Variants in MARCHF7 observed in about 807,000 individuals in gnomAD.
The protein encoded by MARCHF7 is E3 ubiquitin-protein ligase MARCHF7.
Under a neutral mutation model 76.5 loss-of-function variants are expected in MARCHF7, and 20 were observed. That is an observed-to-expected ratio of 0.26 (90% confidence interval 0.18 to 0.38). The LOEUF (loss-of-function observed/expected upper bound fraction) is 0.38, where lower values mean the gene tolerates loss of function less well. Ranked by LOEUF, MARCHF7 falls within the 10% of genes least tolerant of loss-of-function variation. The pLI, the probability that MARCHF7 is intolerant of heterozygous loss-of-function variation, is 1.00. For missense variants in MARCHF7, 797 were observed against 812.9 expected (o/e 0.98, Z 0.24); for synonymous variants, 295 against 293.0 (o/e 1.01, Z -0.07).
intron 3 of MARCHF7, among the ~76,000 whole-genome samples, chr2:159,718,761 A>C (rs914353031): frequency 1.3e-5 from 2 of 152,092 alleles, no homozygotes; most frequent in Non-Finnish European, 2.9e-5. Context: ...AACTGCCTGA[A>C]GTTTTTCAAT....
chr2:159,745,700 T>G (rs970947101), intron 5 of MARCHF7, 70 bp from the exon 6 acceptor site: 3 of 1,011,590 alleles, frequency 3.0e-6, no homozygotes, highest in Non-Finnish European at 4.4e-6. Context: ...TCCTCTCTAT[T>G]ACTGAAGATT....
At chr2:159,732,341 T>C (rs1267194796) in intron 4 of MARCHF7, among the ~76,000 whole-genome samples, 2 of 152,190 alleles carry the variant, frequency 1.3e-5, no homozygotes, top group African/African-American at 2.4e-5. Context: ...TTATAAATTT[T>C]AGGTATTTTC....
intron 1 of MARCHF7, among the ~76,000 whole-genome samples, chr2:159,714,232 A>G (rs1700749558): frequency 6.6e-6 from 1 of 152,196 alleles, no homozygotes; most frequent in Non-Finnish European, 1.5e-5. Flanking sequence ...ATAATGCAAA[A>G]TCTGTCAAAT....
chr2:159,734,572 T>C (rs2125457540), intron 4 of MARCHF7, among the ~76,000 whole-genome samples: 1 of 152,278 alleles, frequency 6.6e-6, no homozygotes, highest in Middle Eastern at 3.4e-3. Context: ...GTAACATTGA[T>C]AGGCATTGCA....
In MARCHF7 at chr2:159,768,870, C is replaced by G. The variant is rs993991003; in HGVS notation, c.*1528C>G. On this transcript the variant is annotated 3_prime_UTR_variant, in exon 12 of 12. Coordinates refer to ENST00000409175, the MANE Select transcript of MARCHF7 (RefSeq NM_001282805.2). ...GTTGTCTTCTGCTTAACCCATAAAA[C>G]TTTATTTAAAAAATTTAACTAGATG... The G allele has an allele frequency of 6.6e-6, 1 of 152,052 alleles. No individual in the cohort carries two copies. The highest frequency in any genetic ancestry group is 1.5e-5 in the Non-Finnish European group (1 of 67,990). 9.4% of individuals were successfully genotyped at this position (152,052 alleles called of 1,614,324 possible). A position where few individuals can be genotyped will look rare whatever the true frequency, so the allele number is the denominator to read the frequency against.
In MARCHF7 at chr2:159,748,967, TTTTTTC is replaced by T; in HGVS notation, c.1613+69_1613+74del. 4 of 1,301,060 alleles carry T rather than the reference TTTTTTC, an allele frequency of 3.1e-6. No homozygotes were observed. The South Asian group carries it at 6.9e-5, about 23-fold the overall frequency. 80.6% of individuals were successfully genotyped at this position (1,301,060 alleles called of 1,614,324 possible). A position where few individuals can be genotyped will look rare whatever the true frequency, so the allele number is the denominator to read the frequency against. On this transcript the variant is annotated intron_variant, in intron 7 of 11. Transcript: ENST00000409175. ...ATAGAGAAAGAACTCTTCATTTCTT[TTTTTTC>T]TTTTCTTTTTTTTTTTTTTTTTTGA...
chr2:159,718,067 C>T (rs1701237550), intron 3 of MARCHF7, among the ~76,000 whole-genome samples: 1 of 152,216 alleles, frequency 6.6e-6, no homozygotes, highest in African/African-American at 2.4e-5. Context: ...ATTTGCTGAA[C>T]ACATGCTGTG....
chr2:159,747,964 A>G lies in MARCHF7; in HGVS notation c.674A>G (p.Asn225Ser). ...SRDSRNSLRS[N>S]FSSRESESSR... is the part of the protein sequence containing the mutation. ...GACTCCAGAAATTCTTTAAGATCAA[A>G]TTTTTCTTCAAGAGAATCAGAATCT... is the stretch of plus-strand genomic sequence containing the variant. Residue 225 changes from asparagine to serine, a missense_variant, in exon 7 of 12, where the codon AAT (asparagine) becomes AGT (serine). Around this residue, in one of 3 missense-constraint regions of MARCHF7, gnomAD observed 643 missense variants for 631.5 expected, o/e 1.02. Coordinates refer to ENST00000409175, the MANE Select transcript of MARCHF7 (RefSeq NM_001282805.2). The G allele has an allele frequency of 6.2e-7, 1 of 1,614,028 alleles. No individual in the cohort carries two copies.
At chr2:159,724,867 T>G (rs966708002) in intron 3 of MARCHF7, among the ~76,000 whole-genome samples, 44 of 152,152 alleles carry the variant, frequency 2.9e-4, no homozygotes, top group Non-Finnish European at 2.9e-5. Context: ...GTGTGTGATG[T>G]TCCCTGCCCT....
chr2:159,754,337 C>G (rs1560022488), intron 8 of MARCHF7, among the ~76,000 whole-genome samples: 1 of 151,616 alleles, frequency 6.6e-6, no homozygotes, highest in Non-Finnish European at 1.5e-5. Flanking sequence ...TGTGATCAAC[C>G]CTGCACTTCT....
chr2:159,747,919 A>T lies in MARCHF7; in HGVS notation c.629A>T (p.Gln210Leu). 1 of 1,614,178 alleles carries T rather than the reference A, an allele frequency of 6.2e-7. No homozygotes were observed. The highest frequency in any genetic ancestry group is 8.5e-7 in the Non-Finnish European group (1 of 1,180,026). Reference sequence around the variant, plus strand: ...AACCACCAATTGCCTTCTGAACATCAGACCATACTAAGTTCTAGGGACTCC... The same window carrying T: ...AACCACCAATTGCCTTCTGAACATCTGACCATACTAAGTTCTAGGGACTCC... ...STNHQLPSEH[Q>L]TILSSRDSRN... The change falls in exon 7 of 12, where the codon CAG (glutamine) becomes CTG (leucine). Residue 210 changes from glutamine to leucine, a missense_variant. Gln to Leu is a moderately radical substitution (Grantham distance 113). Transcript: ENST00000409175.
At chr2:159,716,892 A>G (rs1226228422) in intron 3 of MARCHF7, among the ~76,000 whole-genome samples, 2 of 152,220 alleles carry the variant, frequency 1.3e-5, no homozygotes, top group East Asian at 3.8e-4. Flanking sequence ...TGGCTGCATA[A>G]CAAACCACCT....
chr2:159,749,741 G>C (rs991119910), intron 7 of MARCHF7, among the ~76,000 whole-genome samples: 1 of 130,800 alleles, frequency 7.6e-6, no homozygotes, highest in Non-Finnish European at 1.7e-5. Context: ...TTGGGGCGGG[G>C]GGGGCGGTTG....
At chr2:159,723,672 A>G (rs968431516) in intron 3 of MARCHF7, among the ~76,000 whole-genome samples, 1 of 152,240 alleles carries the variant, frequency 6.6e-6, no homozygotes, top group African/African-American at 2.4e-5. Flanking sequence ...CACAATATGT[A>G]GCAAATTGAT....
intron 4 of MARCHF7, among the ~76,000 whole-genome samples, chr2:159,731,977 G>A (rs1052651875): frequency 4.9e-4 from 75 of 151,782 alleles, no homozygotes; most frequent in African/African-American, 1.7e-3. Context: ...GGTGGCGGGC[G>A]CCTGTAGTCC....
intron 2 of MARCHF7, among the ~76,000 whole-genome samples, 153 bp from the exon 3 acceptor site, chr2:159,715,528 T>A (rs1700939111): frequency 6.6e-6 from 1 of 152,100 alleles, no homozygotes; most frequent in African/African-American, 2.4e-5. Flanking sequence ...TATATTTTTT[T>A]ATAGAGACAG....
rs780022565 is a variant in MARCHF7 at position 159,727,964 on chromosome 2, A to G, written c.-14-1045A>G. Among the ~76,000 whole-genome samples the G allele has an allele frequency of 6.6e-5, 10 of 152,304 alleles. 1 individual carries two copies. The Middle Eastern group carries it at 0.024, about 363-fold the overall frequency. The stretch of plus-strand genomic sequence containing the variant: ...AAAGCACTCAGTTCCACAAAATAAC[A>G]TTTTGTTTTTTTCTTAGAAGTTTTA... On this transcript the variant is annotated intron_variant, in intron 3 of 11. Coordinates refer to ENST00000409175, the MANE Select transcript of MARCHF7 (RefSeq NM_001282805.2).
At chr2:159,738,431 G>A (rs1181357401) in intron 4 of MARCHF7, among the ~76,000 whole-genome samples, 1 of 152,164 alleles carries the variant, frequency 6.6e-6, no homozygotes, top group African/African-American at 2.4e-5. Flanking sequence ...CATTTGGCGG[G>A]TCCCGAGTTC....
intron 3 of MARCHF7, among the ~76,000 whole-genome samples, chr2:159,720,265 C>T (rs1214541766): frequency 1.3e-5 from 2 of 152,174 alleles, no homozygotes; most frequent in East Asian, 3.9e-4. Flanking sequence ...ACCTCGTGAT[C>T]CTCCTGCCTT....
Sources: gnomAD v4.1 joint callset for allele counts (sites outside exome capture counted in the v4.1 genomes callset) on GRCh38, gnomAD v4.1.1 for gene constraint, gnomAD v4.1.1 regional missense constraint, MANE v1.5 for transcripts, NCBI Gene and HGNC (gene_info 2026-07-23, HGNC 2026-07-21) for gene names.